Variants in CBFA2T3 observed in about 807,000 individuals in gnomAD.
The protein encoded by CBFA2T3 is transcriptional corepressor CBFA2T3.
Under a neutral mutation model 58.6 loss-of-function variants are expected in CBFA2T3, and 31 were observed. The observed-to-expected ratio is 0.53, with a 90% CI of 0.40 to 0.71. The LOEUF (loss-of-function observed/expected upper bound fraction) is 0.71. Ranked by LOEUF, CBFA2T3 falls within the 30% of genes least tolerant of loss-of-function variation. The probability of loss-of-function intolerance (pLI) is 0.00; values close to 1 mark genes in which losing one functional copy is unlikely to be tolerated. For synonymous variants in CBFA2T3, 531 were observed against 421.9 expected (o/e 1.26, Z -3.17); for missense variants, 1,076 against 963.1 (o/e 1.12, Z -1.55).
intron 1 of CBFA2T3, among the ~76,000 whole-genome samples, chr16:88,924,095 C>G (rs942460227): frequency 3.9e-5 from 6 of 152,104 alleles, no homozygotes; most frequent in Non-Finnish European, 1.5e-5. Flanking sequence ...AGCAAGGAGC[C>G]AGGGTGGGAG....
chr16:88,884,902 T>C (rs1199588706), intron 7 of CBFA2T3, 144 bp downstream of exon 7: 3 of 625,076 alleles, frequency 4.8e-6, no homozygotes, highest in Non-Finnish European at 8.1e-6. Context: ...CCAGGGGGAA[T>C]GCCAGGCAGG....
intron 2 of CBFA2T3, among the ~76,000 whole-genome samples, chr16:88,899,186 C>T (rs1320958674): frequency 6.6e-6 from 1 of 151,942 alleles, no homozygotes. Flanking sequence ...AGTCTCCCAT[C>T]AGCTTGGCTC....
At chr16:88,929,926 C>T (rs563873863) in intron 1 of CBFA2T3, among the ~76,000 whole-genome samples, 5 of 148,088 alleles carry the variant, frequency 3.4e-5, no homozygotes, top group South Asian at 4.2e-4. Flanking sequence ...CACGCAAAAG[C>T]TACCAATACC....
At position 88,875,467 on chromosome 16, in the gene CBFA2T3, G is replaced by T; in HGVS notation, c.*1509C>A. 1 of 233,642 alleles carries T rather than the reference G, an allele frequency of 4.3e-6. No individual in the cohort carries two copies. 14.5% of individuals were successfully genotyped at this position (233,642 alleles called of 1,614,324 possible). A position where few individuals can be genotyped will look rare whatever the true frequency, so the allele number is the denominator to read the frequency against. On this transcript the variant is annotated 3_prime_UTR_variant, in exon 12 of 12. Transcript: ENST00000268679. ...AGCACCAGGGCTATGTACACGGTCA[G>T]GGTCTTCCCTGGGGAGGAGGCAGAG...
chr16:88,903,694 GGGGGGCGTTCCTGGT>G (rs1970193029), intron 1 of CBFA2T3, among the ~76,000 whole-genome samples: 2 of 134,854 alleles, frequency 1.5e-5, no homozygotes, highest in South Asian at 2.8e-4. Context: ...GCATTCCTGG[GGGGGGCGTTCCTGGT>G]GGGGGCAGCC....
At chr16:88,894,568 GCA>G (rs1232676646) in intron 3 of CBFA2T3, among the ~76,000 whole-genome samples, 12 of 145,382 alleles carry the variant, frequency 8.3e-5, no homozygotes, top group South Asian at 4.3e-4. Context: ...ACACACACAT[GCA>G]CACACACATG....
intron 1 of CBFA2T3, among the ~76,000 whole-genome samples, chr16:88,905,173 A>G (rs1013564281): frequency 6.6e-6 from 1 of 152,176 alleles, no homozygotes; most frequent in Admixed American, 6.5e-5. Context: ...AGCTCTGCAC[A>G]GCAGCAGCTG....
intron 1 of CBFA2T3, among the ~76,000 whole-genome samples, chr16:88,931,689 G>A (rs1011360666): frequency 2.6e-5 from 4 of 152,178 alleles, no homozygotes; most frequent in African/African-American, 9.7e-5. Context: ...AGGTGCTGGG[G>A]GCACTGGCCT....
At chr16:88,948,434 A>C (rs1030286373) in intron 1 of CBFA2T3, among the ~76,000 whole-genome samples, 1 of 152,210 alleles carries the variant, frequency 6.6e-6, no homozygotes, top group East Asian at 1.9e-4. Flanking sequence ...TGGCCCAAGC[A>C]GGTTCTGCCT....
At position 88,881,414 on chromosome 16, in the gene CBFA2T3, C is replaced by G; in HGVS notation, c.1279G>C (p.Asp427His). ...GCCCAGTGGTTGAGCTCCTCGCGGT[C>G]GGCCTCCTGGCACCTGCGCAGCACC... ...LTVLRRCQEA[D>H]REELNHWARR... The change falls in exon 9 of 12, where the codon GAC (aspartate) becomes CAC (histidine). Residue 427 changes from aspartate (D) to histidine (H), a missense_variant. Physicochemically the swap from Asp to His is moderately conservative, Grantham distance 81. Transcript: ENST00000268679. 6.2e-7 allele frequency: 1 copy of G among 1,608,088 alleles called. No homozygotes were observed. Among genetic ancestry groups the G allele is most frequent in the Non-Finnish European group, 8.5e-7 (1 of 1,178,296 alleles).
intron 1 of CBFA2T3, among the ~76,000 whole-genome samples, chr16:88,913,771 G>A (rs749374331): frequency 1.3e-5 from 2 of 152,172 alleles, no homozygotes; most frequent in African/African-American, 2.4e-5. Flanking sequence ...GAATAAATAC[G>A]ATGACTCCTC....
At position 88,954,386 on chromosome 16, in the gene CBFA2T3, GACTCCT is replaced by G. The variant is rs1567632820; in HGVS notation, c.151+22265_151+22270del. The stretch of plus-strand genomic sequence containing the variant: ...ACCCAAGGCTCCTGACCCCACCCAA[GACTCCT>G]GACCCTACCCAAGACTCCTGACCCC... On this transcript the variant is annotated intron_variant, in intron 1 of 11. Coordinates refer to ENST00000268679, the MANE Select transcript of CBFA2T3 (RefSeq NM_005187.6). Among the ~76,000 whole-genome samples the G allele has an allele frequency of 3.9e-4, 54 of 137,186 alleles. 2 individuals are homozygous for G. The highest frequency in any genetic ancestry group is 1.3e-3 in the African/African-American group (41 of 32,596). The allele number at this position is 137,186 out of a possible 152,430, so 90.0% of individuals were successfully genotyped here.
intron 1 of CBFA2T3, among the ~76,000 whole-genome samples, chr16:88,951,882 C>T (rs151221392): frequency 1.4e-4 from 22 of 152,328 alleles, no homozygotes; most frequent in African/African-American, 5.1e-4. Flanking sequence ...GTCTGTGGGG[C>T]CTGAAACCGG....
At position 88,877,160 on chromosome 16, in the gene CBFA2T3, C is replaced by A. The variant is rs866077103; in HGVS notation, c.1778G>T (p.Gly593Val). 3 of 1,551,620 alleles carry A rather than the reference C, an allele frequency of 1.9e-6. No individual in the cohort carries two copies. The highest frequency in any genetic ancestry group is 1.8e-4 in the Middle Eastern group (1 of 5,408). Residue 593 changes from glycine (G) to valine (V), a missense_variant, in exon 12 of 12, where the codon GGC becomes GTC. Gly to Val is a moderately radical substitution (Grantham distance 109). Coordinates refer to ENST00000268679, the MANE Select transcript of CBFA2T3 (RefSeq NM_005187.6). ...RDWEKHHHVC[G>V]QSLQGPTAVV... ...GGCTGTGGGGCCCTGCAGGCTCTGG[C>A]CACACACGTGGTGATGCTTCTCCCA...
chr16:88,975,845 G>A (rs1350624046), intron 1 of CBFA2T3, among the ~76,000 whole-genome samples: 1 of 152,256 alleles, frequency 6.6e-6, no homozygotes, highest in Non-Finnish European at 1.5e-5. Flanking sequence ...CGGGTTCTGT[G>A]TGTGAGTGTC....
chr16:88,888,251 C>T lies in CBFA2T3; in HGVS notation c.712-2109G>A, dbSNP rs149166340. Among the ~76,000 whole-genome samples the T allele has an allele frequency of 1.8e-3, 268 of 151,134 alleles. 5 individuals are homozygous for T. In the East Asian group the frequency reaches 0.041, roughly 23 times the overall value. On this transcript the variant is annotated intron_variant, in intron 5 of 11. Transcript: ENST00000268679. ...CCTGCCGTTTCTAGGATGATGTCTT[C>T]AAGGACTGCGTGAGAGTACCCCAGA... is the stretch of plus-strand genomic sequence containing the variant.
chr16:88,882,467 G>A (rs531236695), intron 8 of CBFA2T3, among the ~76,000 whole-genome samples: 112 of 145,808 alleles, frequency 7.7e-4, no homozygotes, highest in African/African-American at 2.4e-3. Flanking sequence ...GGCTGTGTGC[G>A]TGGGGGTGGC....
intron 5 of CBFA2T3, among the ~76,000 whole-genome samples, chr16:88,891,016 G>A (rs1245357194): frequency 6.6e-6 from 1 of 152,140 alleles, no homozygotes; most frequent in Non-Finnish European, 1.5e-5. Context: ...TTTGGGCCGG[G>A]CCGAGAGCCT....
rs530230363 is a variant in CBFA2T3, at chr16:88,877,035, C to A, written c.1903G>T (p.Gly635Trp). Residue 635 changes from glycine to tryptophan, a missense_variant, in exon 12 of 12, where the codon GGG becomes TGG. Gly to Trp is a radical substitution (Grantham distance 184, BLOSUM62 -2). Transcript: ENST00000268679. Reference protein sequence around the residue: ...AASPSEAGSAGPSRPGSPSPP... With the variant: ...AASPSEAGSAWPSRPGSPSPP... ...CTGGGGGAGCCGGGGCGAGAAGGCC[C>A]CGCAGAGCCGGCTTCGCTGGGGCTG... 1 of 1,507,142 alleles carries A rather than the reference C, an allele frequency of 6.6e-7. No individual in the cohort carries two copies. Among genetic ancestry groups the A allele is most frequent in the South Asian group, 1.2e-5 (1 of 80,806 alleles). The allele number at this position is 1,507,142 out of a possible 1,614,324, so 93.4% of individuals were successfully genotyped here.
Sources: gnomAD v4.1 joint callset for allele counts (sites outside exome capture counted in the v4.1 genomes callset) on GRCh38, gnomAD v4.1.1 for gene constraint, MANE v1.5 for transcripts, NCBI Gene and HGNC (gene_info 2026-07-23, HGNC 2026-07-21) for gene names.